NT5DC3: variants seen among roughly 807,000 people sequenced by gnomAD.
NT5DC3 encodes 5'-nucleotidase domain containing 3.
In NT5DC3, 42 loss-of-function variants were observed where a neutral mutation model predicts 67.8. The ratio of observed to expected loss-of-function variants is 0.62; its 90% CI spans 0.48 to 0.80. The LOEUF is 0.80. NT5DC3 is among the 30% of genes least tolerant of loss of function. NT5DC3 has a pLI of 0.00. For synonymous variants in NT5DC3, 237 were observed against 255.6 expected (o/e 0.93, Z 0.69); for missense variants, 570 against 696.4 (o/e 0.82, Z 2.04).
chr12:103,749,697 G>A, the NT5DC3 span, among the ~76,000 whole-genome samples: 37,523 of 150,198 alleles, frequency 0.25, 5,623 homozygotes, highest in East Asian at 0.49. Flanking sequence ...AAAATTAGCC[G>A]GGCATGGTGG....
At position 103,815,057 on chromosome 12, in the gene NT5DC3, C is replaced by G. The variant is rs1184157871; in HGVS notation, c.273G>C (p.Met91Ile). ...NPDAIFSNNE[M>I]SLSDIEIYGF... ...CATAGATTTCAATGTCTGACAGGCT[C>G]ATTTCATTGTTTGAGAAAATGGCAT... The change falls in exon 2 of 14, where the codon ATG becomes ATC. Residue 91 changes from methionine to isoleucine, a missense_variant. Coordinates refer to ENST00000392876, the MANE Select transcript of NT5DC3 (RefSeq NM_001031701.3). The G allele has an allele frequency of 6.2e-6, 10 of 1,613,220 alleles. No homozygotes were observed. Among genetic ancestry groups the G allele is most frequent in the Non-Finnish European group, 8.5e-6 (10 of 1,179,612 alleles).
chr12:103,748,426 T>C, the NT5DC3 span, among the ~76,000 whole-genome samples: 15 of 152,278 alleles, frequency 9.9e-5, 1 homozygote, highest in African/African-American at 3.4e-4. Flanking sequence ...CATGGATTTT[T>C]GGAGGCAAAC....
At chr12:103,839,099 G>A (rs1028208135) in intron 1 of NT5DC3, among the ~76,000 whole-genome samples, 9 of 152,220 alleles carry the variant, frequency 5.9e-5, no homozygotes, top group African/African-American at 2.2e-4. Flanking sequence ...GTGCTCTCAT[G>A]CATGTGCACA....
At chr12:103,832,834 G>A (rs1485644514) in intron 1 of NT5DC3, among the ~76,000 whole-genome samples, 1 of 152,156 alleles carries the variant, frequency 6.6e-6, no homozygotes. Flanking sequence ...AATGAGCACT[G>A]GGTCACCAGA....
chr12:103,799,834 G>A (rs1175162395), intron 4 of NT5DC3, among the ~76,000 whole-genome samples: 1 of 150,396 alleles, frequency 6.6e-6, no homozygotes, highest in Non-Finnish European at 1.5e-5. Flanking sequence ...TGAAGTCAGT[G>A]GCCAGGATTT....
chr12:103,769,785 C>T (rs1415936542), downstream of NT5DC3, among the ~76,000 whole-genome samples: 1 of 152,262 alleles, frequency 6.6e-6, no homozygotes, highest in Non-Finnish European at 1.5e-5. Flanking sequence ...TCACCTCACC[C>T]AACTACTTAC....
rs921805172 is a variant in NT5DC3 at position 103,827,407 on chromosome 12, C to T, written c.209-12286G>A. Among the ~76,000 whole-genome samples, 14 of 152,214 alleles carry T rather than the reference C, an allele frequency of 9.2e-5. 1 individual carries two copies. Among genetic ancestry groups the T allele is most frequent in the Admixed American group, 2.0e-4 (3 of 15,292 alleles). ...CTTGAGACTAATCTATAAACCGAAA[C>T]TCTAGGATCTTCAATAATTTAAAGT... On this transcript the variant is annotated intron_variant, in intron 1 of 13. Transcript: ENST00000392876.
chr12:103,823,464 ATATCT>A (rs1887570117), intron 1 of NT5DC3, among the ~76,000 whole-genome samples: 1 of 152,182 alleles, frequency 6.6e-6, no homozygotes, highest in African/African-American at 2.4e-5. Flanking sequence ...CACATTTTAA[ATATCT>A]ATTTCTATGT....
chr12:103,758,047 G>A, the NT5DC3 span: 2 of 1,403,864 alleles, frequency 1.4e-6, no homozygotes, highest in South Asian at 1.3e-5. Context: ...CAAAGGAGCA[G>A]CAGGCTGAGT....
intron 1 of NT5DC3, among the ~76,000 whole-genome samples, chr12:103,825,161 T>A (rs1284849466): frequency 2.0e-5 from 3 of 152,246 alleles, no homozygotes; most frequent in Non-Finnish European, 4.4e-5. Context: ...TTAGTTTATA[T>A]ATTTTGCATC....
intron 1 of NT5DC3, among the ~76,000 whole-genome samples, chr12:103,838,825 G>GATA (rs1888258387): frequency 6.6e-6 from 1 of 150,730 alleles, no homozygotes; most frequent in Non-Finnish European, 1.5e-5. Context: ...AAAACTCCAG[G>GATA]AAATTATACT....
chr12:103,797,068 G>A, intron 5 of NT5DC3, 37 bp from the exon 6 acceptor site: 3 of 1,612,594 alleles, frequency 1.9e-6, no homozygotes, highest in Non-Finnish European at 1.7e-6. Flanking sequence ...TAGAAACAGG[G>A]GCCCACGCAA....
chr12:103,817,590 A>G (rs553125601), intron 1 of NT5DC3, among the ~76,000 whole-genome samples: 1 of 80,020 alleles, frequency 1.2e-5, no homozygotes, highest in South Asian at 5.7e-4. Context: ...TATCAAGAAG[A>G]CTTTACATTC....
chr12:103,768,924 C>T (rs1022450303), downstream of NT5DC3: 13 of 151,818 alleles, frequency 8.6e-5, no homozygotes, highest in African/African-American at 1.9e-4. Context: ...TGATTCCACT[C>T]AGAGCCTCGA....
At chr12:103,798,175 G>A (rs559609799) in intron 5 of NT5DC3, among the ~76,000 whole-genome samples, 17 of 152,282 alleles carry the variant, frequency 1.1e-4, no homozygotes, top group Admixed American at 7.2e-4. Context: ...AGTGGAAAGA[G>A]AACCACAAAA....
intron 4 of NT5DC3, among the ~76,000 whole-genome samples, chr12:103,804,319 G>GGTTAA (rs1301979017): frequency 1.3e-5 from 2 of 152,152 alleles, no homozygotes; most frequent in African/African-American, 4.8e-5. Flanking sequence ...ACTTAACACT[G>GGTTAA]ATAACAGAGG....
chr12:103,750,504 G>A, the NT5DC3 span: 2 of 1,576,772 alleles, frequency 1.3e-6, no homozygotes, highest in Non-Finnish European at 1.7e-6. Context: ...GCTGGACATT[G>A]GTCCCATGGG....
chr12:103,772,266 A>G (rs1334751991), downstream of NT5DC3: 1 of 152,364 alleles, frequency 6.6e-6, no homozygotes, highest in East Asian at 1.9e-4. Flanking sequence ...TTAACGTGGC[A>G]GACTTAAGCA....
intron 9 of NT5DC3, 120 bp from the exon 10 acceptor site, chr12:103,789,039 A>C: frequency 1.4e-6 from 1 of 706,254 alleles, no homozygotes; most frequent in Non-Finnish European, 2.5e-6. Context: ...AAAAACCCGA[A>C]ACCAAAACTC....
Sources: allele counts gnomAD v4.1 joint callset (sites outside exome capture counted in the v4.1 genomes callset), GRCh38; gene constraint gnomAD v4.1.1; transcripts MANE v1.5; gene names NCBI Gene and HGNC (gene_info 2026-07-23, HGNC 2026-07-21).